The following SMPD4 variants were observed in gnomAD, a reference collection of about 807,000 sequenced individuals.
SMPD4 encodes the protein neutral sphingomyelinase 3.
SMPD4 carries 58 observed loss-of-function variants against 97.8 expected under a neutral mutation model. The ratio of observed to expected loss-of-function variants is 0.59; its 90% CI spans 0.48 to 0.74. The LOEUF (loss-of-function observed/expected upper bound fraction) is 0.74. Among genes scored for constraint, SMPD4 ranks in the 30% least tolerant of loss-of-function variants. The probability of loss-of-function intolerance (pLI) is 0.00; values close to 1 mark genes in which losing one functional copy is unlikely to be tolerated. For missense variants in SMPD4, 853 were observed against 1,080.5 expected (o/e 0.79, Z 2.95); for synonymous variants, 388 against 450.0 (o/e 0.86, Z 1.74).
chr2:130,181,199 C>A (rs903663565), intron 1 of SMPD4: 63 of 1,107,848 alleles, frequency 5.7e-5, no homozygotes, highest in Middle Eastern at 3.8e-4. Context: ...CCGGCTCTTA[C>A]ACCCACACCG....
chr2:130,174,929 C>T lies in SMPD4; in HGVS notation c.111G>A (p.Glu37=), dbSNP rs1273608033. Residue 37 remains glutamate (E), a synonymous_variant, in exon 3 of 20, where the codon GAG becomes GAA. Transcript: ENST00000680298. ...QQCQDLVKVI[E]DFPAKELHTI... is the part of the protein sequence containing the mutation. ...AGAGCTATACCTTTGCTGGAAAGTC[C>T]TCAATGACTTTAACCAAGTCTTGGC... 3 of 1,605,996 alleles carry T rather than the reference C, an allele frequency of 1.9e-6. No individual in the cohort carries two copies. The highest frequency in any genetic ancestry group is 1.7e-5 in the Admixed American group (1 of 59,946).
chr2:130,179,168 G>A (rs1361782088), intron 1 of SMPD4, among the ~76,000 whole-genome samples: 1 of 149,032 alleles, frequency 6.7e-6, no homozygotes, highest in African/African-American at 2.5e-5. Context: ...CTGTTGCCCA[G>A]GCTAGAGTCC....
intron 1 of SMPD4, chr2:130,181,155 G>T: frequency 1.6e-6 from 1 of 638,986 alleles, no homozygotes; most frequent in Non-Finnish European, 2.1e-6. Flanking sequence ...GAGATGTGGA[G>T]CACACAGGGG....
In SMPD4 at chr2:130,153,137, T is replaced by C; in HGVS notation, c.2060A>G (p.Tyr687Cys). The C allele has an allele frequency of 6.2e-6, 10 of 1,613,844 alleles. No homozygotes were observed. The highest frequency in any genetic ancestry group is 8.5e-6 in the Non-Finnish European group (10 of 1,180,000). ...GGGCTGCAGCTCCGGGTCCCCCTGG[T>C]ACTCAATTTCAAACCTTCGCAGCCC... ...INGLRRFEIE[Y>C]QGDPELQPIR... The change falls in exon 19 of 20, where the codon TAC (tyrosine) becomes TGC (cysteine). Residue 687 changes from tyrosine (Y) to cysteine (C), a missense_variant. By Grantham distance (194) the Tyr-to-Cys change is radical. Coordinates refer to ENST00000680298, the MANE Select transcript of SMPD4 (RefSeq NM_017951.5).
At chr2:130,164,577 C>T in intron 9 of SMPD4, 132 bp from the exon 10 acceptor site, 2 of 705,892 alleles carry the variant, frequency 2.8e-6, no homozygotes, top group Non-Finnish European at 4.7e-6. Context: ...TGAAGCTGGG[C>T]CCTTCCTTCA....
chr2:130,154,123 GA>G, intron 16 of SMPD4, 153 bp downstream of exon 16: 3 of 1,067,804 alleles, frequency 2.8e-6, no homozygotes, highest in South Asian at 3.4e-5. Flanking sequence ...TCGTTATCAG[GA>G]AAAAATTAGA....
At chr2:130,174,822 G>A (rs2104910171) in intron 3 of SMPD4, 92 bp downstream of exon 3, 2 of 909,420 alleles carry the variant, frequency 2.2e-6, no homozygotes, top group South Asian at 1.5e-5. Context: ...AGTGCTCGGG[G>A]TTGGGGCGGG....
In SMPD4 at chr2:130,153,086, A is replaced by G. The variant is rs756188829; in HGVS notation, c.2111T>C (p.Leu704Ser). 1.2e-6 allele frequency: 2 copies of G among 1,613,214 alleles called. No homozygotes were observed. Among genetic ancestry groups the G allele is most frequent in the African/African-American group, 2.7e-5 (2 of 74,890 alleles). The change falls in exon 19 of 20, where the codon TTG (leucine) becomes TCG (serine). Residue 704 changes from leucine to serine, a missense_variant. Transcript: ENST00000680298. ...CGACAGCCTAAAGAGTGTGCGGACC[A>G]AGCTGGCGATCTCATAGCTCCGGAT... is the stretch of plus-strand genomic sequence containing the variant. ...QPIRSYEIAS[L>S]VRTLFRLSSA...
At position 130,156,341 on chromosome 2, in the gene SMPD4, G is replaced by A. The variant is rs868442216; in HGVS notation, c.1189-206C>T. 1.1e-4 allele frequency: 69 copies of A among 657,120 alleles called. 1 individual carries two copies. Among genetic ancestry groups the A allele is most frequent in the South Asian group, 8.6e-4 (44 of 51,094 alleles). 40.7% of individuals were successfully genotyped at this position (657,120 alleles called of 1,614,324 possible). A position where few individuals can be genotyped will look rare whatever the true frequency, so the allele number is the denominator to read the frequency against. Reference sequence around the variant, plus strand: ...TGGGCTTTTCCCAGCCCAGGGGGCAGAGTACTCCCTGGTCAGGTAAGGGTA... The same window carrying A: ...TGGGCTTTTCCCAGCCCAGGGGGCAAAGTACTCCCTGGTCAGGTAAGGGTA... On this transcript the variant is annotated intron_variant, in intron 13 of 19. Coordinates refer to ENST00000680298, the MANE Select transcript of SMPD4 (RefSeq NM_017951.5).
Position 130,162,685 on chromosome 2 carries a change from C to T in SMPD4, c.865-1413G>A, listed in dbSNP as rs200348046. On this transcript the variant is annotated intron_variant, in intron 10 of 19. Transcript: ENST00000680298. ...ATCTGAAAATAAGGGCTAGTGGGGA[C>T]GGGCAGGGATTTCTGCATGGCAGTA... 6.2e-3 allele frequency among the ~76,000 whole-genome samples: 942 copies of T among 152,192 alleles called. 6 individuals are homozygous for T. Among genetic ancestry groups the T allele is most frequent in the African/African-American group, 0.02 (839 of 41,522 alleles).
intron 3 of SMPD4, 107 bp downstream of exon 3, chr2:130,174,807 C>A (rs181863319): frequency 2.7e-4 from 205 of 754,958 alleles, no homozygotes; most frequent in South Asian, 4.2e-4. Context: ...GCCTCTGTGC[C>A]AGGCAGTGCT....
chr2:130,176,683 A>T (rs1291986781), intron 1 of SMPD4, 46 bp from the exon 2 acceptor site: 7 of 1,466,242 alleles, frequency 4.8e-6, no homozygotes, highest in Non-Finnish European at 6.6e-6. Flanking sequence ...AACACAGCAG[A>T]ATCTTTTTAT....
intron 16 of SMPD4, 123 bp downstream of exon 16, chr2:130,154,154 G>C: frequency 8.0e-7 from 1 of 1,251,290 alleles, no homozygotes; most frequent in Non-Finnish European, 1.1e-6. Context: ...AACGGGGGAA[G>C]GAGATATGGC....
In SMPD4 at chr2:130,167,606, A is replaced by C. The variant is rs1184345880; in HGVS notation, c.660-16T>G. Reference sequence around the variant, plus strand: ...GGCTGGTGTCCTGAGGGAGACACAGAAACAGGCCCGAGTTACAGGCTCCCG... The same window carrying C: ...GGCTGGTGTCCTGAGGGAGACACAGCAACAGGCCCGAGTTACAGGCTCCCG... On this transcript the variant is annotated splice_polypyrimidine_tract_variant and intron_variant, in intron 8 of 19. Transcript: ENST00000680298. The C allele has an allele frequency of 1.3e-6, 2 of 1,585,126 alleles. No individual in the cohort carries two copies. Among genetic ancestry groups the C allele is most frequent in the East Asian group, 2.3e-5 (1 of 44,346 alleles).
rs768237892 is a variant in SMPD4, at chr2:130,154,317, C to G, written c.1619G>C (p.Cys540Ser). The G allele has an allele frequency of 6.2e-7, 1 of 1,609,958 alleles. No individual in the cohort carries two copies. The highest frequency in any genetic ancestry group is 1.1e-5 in the South Asian group (1 of 90,814). ...GGGCCCAAACATCGGGGTGTACTTG[C>G]AGTCCTGGCCCTCCAGGCTGTAGAC... ...SHVYSLEGQD[C>S]KYTPMFGPEA... Residue 540 changes from cysteine (C) to serine (S), a missense_variant, in exon 16 of 20, where the codon TGC becomes TCC. Cys to Ser is a moderately radical substitution (Grantham distance 112, BLOSUM62 -1). This residue lies in a region of SMPD4 where 511 missense variants were observed against 608.1 expected (regional missense o/e 0.84). Coordinates refer to ENST00000680298, the MANE Select transcript of SMPD4 (RefSeq NM_017951.5).
At position 130,153,378 on chromosome 2, in the gene SMPD4, G is replaced by A; in HGVS notation, c.1966C>T (p.Leu656Phe). The A allele has an allele frequency of 4.3e-6, 7 of 1,613,894 alleles. No individual in the cohort carries two copies. The highest frequency in any genetic ancestry group is 5.9e-6 in the Non-Finnish European group (7 of 1,180,032). Residue 656 changes from leucine (L) to phenylalanine (F), a missense_variant, in exon 18 of 20, where the codon CTC (leucine) becomes TTC (phenylalanine). Physicochemically the swap from Leu to Phe is conservative, Grantham distance 22 (BLOSUM62 0). Coordinates refer to ENST00000680298, the MANE Select transcript of SMPD4 (RefSeq NM_017951.5). ...TCCTCACCCACGATGCAGTCGGGGA[G>A]TTGCTTTTTTCCATTCTCATCCTGG... ...TTQDENGKKQLPDCIVGEDGL... is the reference protein window; with the variant it reads ...TTQDENGKKQFPDCIVGEDGL...
At position 130,176,607 on chromosome 2, in the gene SMPD4, G is replaced by A; in HGVS notation, c.-15C>T. 1 of 1,613,604 alleles carries A rather than the reference G, an allele frequency of 6.2e-7. No homozygotes were observed. The highest frequency in any genetic ancestry group is 8.5e-7 in the Non-Finnish European group (1 of 1,179,734). On this transcript the variant is annotated 5_prime_UTR_variant, in exon 2 of 20. Coordinates refer to ENST00000680298, the MANE Select transcript of SMPD4 (RefSeq NM_017951.5). ...GGGAACGCCATAGCAGCCTCCAGTGGAGAGTTGAAAATGGCCTTCTTAGCA... is the reference window on the plus strand; with the variant it reads ...GGGAACGCCATAGCAGCCTCCAGTGAAGAGTTGAAAATGGCCTTCTTAGCA...
intron 14 of SMPD4, 67 bp from the exon 15 acceptor site, chr2:130,155,326 G>A (rs1164760828): frequency 3.5e-5 from 56 of 1,589,566 alleles, no homozygotes; most frequent in Admixed American, 2.0e-4. Flanking sequence ...TGCCCGGTCC[G>A]TGCCCCTAAT....
chr2:130,167,775 G>A (rs901977361), intron 8 of SMPD4, among the ~76,000 whole-genome samples, 185 bp from the exon 9 acceptor site: 2 of 152,156 alleles, frequency 1.3e-5, no homozygotes, highest in Admixed American at 1.3e-4. Context: ...TAAATAAATA[G>A]CAAAGAGAGA....
Sources: gnomAD v4.1 joint callset for allele counts (sites outside exome capture counted in the v4.1 genomes callset) on GRCh38, gnomAD v4.1.1 for gene constraint, gnomAD v4.1.1 regional missense constraint, MANE v1.5 for transcripts, NCBI Gene and HGNC (gene_info 2026-07-23, HGNC 2026-07-21) for gene names.